Variants in FNIP1 observed in about 807,000 individuals in gnomAD.
FNIP1 encodes folliculin-interacting protein 1.
FNIP1 carries 40 observed loss-of-function variants against 124.5 expected under a neutral mutation model. The observed-to-expected ratio is 0.32, with a 90% CI of 0.25 to 0.42. The LOEUF is 0.42. Among genes scored for constraint, FNIP1 ranks in the 10% least tolerant of loss-of-function variants. FNIP1 has a pLI of 1.00. For synonymous variants in FNIP1, 472 were observed against 470.6 expected (o/e 1.00, Z -0.04); for missense variants, 1,176 against 1,403.7 (o/e 0.84, Z 2.59).
chr5:131,666,870 T>C (rs1227537209), intron 15 of FNIP1, among the ~76,000 whole-genome samples: 2 of 152,120 alleles, frequency 1.3e-5, no homozygotes, highest in Non-Finnish European at 2.9e-5. Flanking sequence ...AGATACTGTG[T>C]TTGGCGATGG....
chr5:131,696,644 C>T (rs1243355540), intron 11 of FNIP1, among the ~76,000 whole-genome samples: 3 of 152,060 alleles, frequency 2.0e-5, no homozygotes, highest in South Asian at 2.1e-4. Flanking sequence ...TGTTAGCATG[C>T]TCCATATAAT....
At chr5:131,763,871 G>T (rs1387901052) in intron 1 of FNIP1, among the ~76,000 whole-genome samples, 1 of 152,024 alleles carries the variant, frequency 6.6e-6, no homozygotes, top group Non-Finnish European at 1.5e-5. Flanking sequence ...ACCATTTCTA[G>T]TAAGATACCT....
chr5:131,688,513 C>A (rs1041334150), intron 11 of FNIP1, among the ~76,000 whole-genome samples: 1 of 151,558 alleles, frequency 6.6e-6, no homozygotes, highest in Non-Finnish European at 1.5e-5. Context: ...GCATCAGAAT[C>A]AAACTCAAAT....
At chr5:131,662,902 A>C (rs2149510709) in intron 15 of FNIP1, among the ~76,000 whole-genome samples, 1 of 151,804 alleles carries the variant, frequency 6.6e-6, no homozygotes, top group South Asian at 2.1e-4. Flanking sequence ...ATTGTGCCTG[A>C]TGGCTACTTT....
intron 1 of FNIP1, among the ~76,000 whole-genome samples, chr5:131,755,239 G>A (rs1580813006): frequency 6.6e-6 from 1 of 151,912 alleles, no homozygotes; most frequent in East Asian, 1.9e-4. Context: ...TGGCCAACAT[G>A]GCAAAACCCC....
intron 1 of FNIP1, among the ~76,000 whole-genome samples, chr5:131,786,811 C>G (rs1451972738): frequency 6.6e-6 from 1 of 152,176 alleles, no homozygotes; most frequent in Non-Finnish European, 1.5e-5. Context: ...GCTGCCAGCA[C>G]CATGCTCTCA....
At chr5:131,679,788 T>C (rs1768020998) in intron 11 of FNIP1, among the ~76,000 whole-genome samples, 1 of 152,352 alleles carries the variant, frequency 6.6e-6, no homozygotes, top group East Asian at 1.9e-4. Context: ...TTCTTAGCTG[T>C]CTCTTGGACT....
chr5:131,668,177 AAC>A (rs1767655685), intron 15 of FNIP1, among the ~76,000 whole-genome samples: 1 of 152,238 alleles, frequency 6.6e-6, no homozygotes, highest in South Asian at 2.1e-4. Context: ...AGTGCCATAA[AAC>A]AGTCTCAATA....
At chr5:131,726,524 G>A (rs1327285079) in intron 3 of FNIP1, among the ~76,000 whole-genome samples, 11 of 151,138 alleles carry the variant, frequency 7.3e-5, no homozygotes, top group African/African-American at 9.7e-5. Flanking sequence ...GGATCAACAC[G>A]TTTCTTATTG....
intron 17 of FNIP1, among the ~76,000 whole-genome samples, chr5:131,646,200 T>G (rs904268559): frequency 5.9e-5 from 9 of 152,162 alleles, no homozygotes; most frequent in African/African-American, 2.2e-4. Context: ...ACCAACAGTG[T>G]GGTACTACAG....
At chr5:131,726,835 T>C (rs1359023210) in intron 3 of FNIP1, among the ~76,000 whole-genome samples, 1 of 152,348 alleles carries the variant, frequency 6.6e-6, no homozygotes. Flanking sequence ...CTGCTTTAGC[T>C]GTGTCTCAGA....
At chr5:131,683,316 A>T (rs1035664764) in intron 11 of FNIP1, among the ~76,000 whole-genome samples, 4 of 151,948 alleles carry the variant, frequency 2.6e-5, no homozygotes, top group Non-Finnish European at 4.4e-5. Flanking sequence ...TGGGAGGCCG[A>T]GGCAGGCAGA....
intron 9 of FNIP1, among the ~76,000 whole-genome samples, chr5:131,705,130 A>ATAAT (rs1769054234): frequency 6.6e-6 from 1 of 152,116 alleles, no homozygotes; most frequent in South Asian, 2.1e-4. Flanking sequence ...AAGGACTTAA[A>ATAAT]TAGACATTTC....
intron 11 of FNIP1, among the ~76,000 whole-genome samples, chr5:131,686,147 C>G (rs916649016): frequency 5.9e-5 from 9 of 152,172 alleles, no homozygotes; most frequent in Non-Finnish European, 1.0e-4. Flanking sequence ...ATAAAACACA[C>G]AGACACCTTC....
intron 17 of FNIP1, among the ~76,000 whole-genome samples, chr5:131,645,957 T>A (rs1033574889): frequency 6.6e-6 from 1 of 151,990 alleles, no homozygotes; most frequent in Non-Finnish European, 1.5e-5. Context: ...TGAGTAGGGG[T>A]TGGAAGTTGG....
chr5:131,677,910 C>A, intron 12 of FNIP1, 38 bp from the exon 13 acceptor site: 2 of 1,585,214 alleles, frequency 1.3e-6, no homozygotes, highest in Non-Finnish European at 1.7e-6. Context: ...TCCAATCAGT[C>A]TTCATGAAAC....
At position 131,710,646 on chromosome 5, in the gene FNIP1, C is replaced by A; in HGVS notation, c.638G>T (p.Cys213Phe). Residue 213 changes from cysteine to phenylalanine, a missense_variant, in exon 7 of 18, where the codon TGC becomes TTC. By Grantham distance (205) the Cys-to-Phe change is radical. Coordinates refer to ENST00000510461, the MANE Select transcript of FNIP1 (RefSeq NM_133372.3). ...CTCAGAGAATGCCCGCCTGGGGCTG[C>A]AGAACTGTGAAAGACCTACATGGCA... ...LLGNIGLSQF[C>F]SPRRAFSEQG... 6.2e-7 allele frequency: 1 copy of A among 1,613,720 alleles called. No individual in the cohort carries two copies. Among genetic ancestry groups the A allele is most frequent in the Non-Finnish European group, 8.5e-7 (1 of 1,179,912 alleles).
chr5:131,736,968 G>A (rs1460143604), intron 2 of FNIP1, among the ~76,000 whole-genome samples: 1 of 152,108 alleles, frequency 6.6e-6, no homozygotes, highest in Non-Finnish European at 1.5e-5. Flanking sequence ...ATTTGTGATT[G>A]TTTCAAAAAG....
At position 131,672,735 on chromosome 5, in the gene FNIP1, G is replaced by A. The variant is rs140171893; in HGVS notation, c.1709C>T (p.Thr570Ile). 1.2e-6 allele frequency: 2 copies of A among 1,613,476 alleles called. No homozygotes were observed. Among genetic ancestry groups the A allele is most frequent in the African/African-American group, 2.7e-5 (2 of 74,860 alleles). Residue 570 changes from threonine to isoleucine, a missense_variant, in exon 14 of 18, where the codon ACT becomes ATT. Thr to Ile is a moderately conservative substitution (Grantham distance 89, BLOSUM62 -1). This residue lies in a region of FNIP1 where 1,109 missense variants were observed against 1,288.5 expected (regional missense o/e 0.86). Transcript: ENST00000510461. Reference sequence around the variant, plus strand: ...TATTTCACCTTTCTCTAAAGTGGTAGTAATTACTGTGCCTGGCATAACGAT... The same window carrying A: ...TATTTCACCTTTCTCTAAAGTGGTAATAATTACTGTGCCTGGCATAACGAT... ...EAIVMPGTVI[T>I]TTLEKGEIEE...
Sources: allele counts gnomAD v4.1 joint callset (sites outside exome capture counted in the v4.1 genomes callset), GRCh38; gene constraint gnomAD v4.1.1; regional missense constraint gnomAD v4.1.1; transcripts MANE v1.5; gene names NCBI Gene and HGNC (gene_info 2026-07-23, HGNC 2026-07-21).